The following FSTL5 variants were observed in gnomAD, a reference collection of about 807,000 sequenced individuals.
FSTL5 encodes follistatin like 5.
Under a neutral mutation model 89.1 loss-of-function variants are expected in FSTL5, and 62 were observed. The ratio of observed to expected loss-of-function variants is 0.70; its 90% CI spans 0.57 to 0.86. FSTL5 has a LOEUF of 0.86. FSTL5 is among the 40% of genes least tolerant of loss of function. FSTL5 has a pLI of 0.00. For missense variants in FSTL5, 1,057 were observed against 1,001.6 expected, an observed-to-expected ratio of 1.06 and a Z score of -0.75; for synonymous variants, 383 against 346.2, an observed-to-expected ratio of 1.11 and a Z score of -1.18.
At chr4:162,045,110 A>T (rs1578981714) in intron 2 of FSTL5, among the ~76,000 whole-genome samples, 1 of 152,274 alleles carries the variant, frequency 6.6e-6, no homozygotes, top group Non-Finnish European at 1.5e-5. Flanking sequence ...CTTAGCTTTC[A>T]GCCTGTCTCG....
At chr4:162,045,046 T>C (rs1738119194) in intron 2 of FSTL5, among the ~76,000 whole-genome samples, 1 of 152,184 alleles carries the variant, frequency 6.6e-6, no homozygotes, top group African/African-American at 2.4e-5. Context: ...TTTAATTTTC[T>C]TCGAGAACGT....
chr4:161,754,625 A>G (rs140323317), intron 6 of FSTL5, among the ~76,000 whole-genome samples: 1 of 152,166 alleles, frequency 6.6e-6, no homozygotes, highest in Non-Finnish European at 1.5e-5. Context: ...CATTTATACC[A>G]TTCTTGGTTA....
chr4:161,610,654 T>A (rs183097432), intron 7 of FSTL5, among the ~76,000 whole-genome samples: 2 of 152,214 alleles, frequency 1.3e-5, no homozygotes, highest in Admixed American at 1.3e-4. Flanking sequence ...AAATTAGTAA[T>A]CAAATGGAGA....
chr4:161,943,245 T>C lies in FSTL5; in HGVS notation c.161-22593A>G, dbSNP rs180727932. Among the ~76,000 whole-genome samples the C allele has an allele frequency of 2.2e-3, 340 of 152,134 alleles. 2 individuals carry two copies. Among genetic ancestry groups the C allele is most frequent in the African/African-American group, 7.9e-3 (327 of 41,536 alleles). On this transcript the variant is annotated intron_variant, in intron 3 of 15. Coordinates refer to ENST00000306100, the MANE Select transcript of FSTL5 (RefSeq NM_020116.5). ...AGACTAAATATTAAGACTGCAATAC[T>C]ACCCCAAATTTTCATTATAGCTTTC...
intron 6 of FSTL5, among the ~76,000 whole-genome samples, chr4:161,712,874 ACT>A (rs1560803980): frequency 6.6e-6 from 1 of 151,968 alleles, no homozygotes; most frequent in Non-Finnish European, 1.5e-5. Context: ...CATGTGATGC[ACT>A]GTTTCCTCCT....
At chr4:161,629,627 G>A (rs1735434704) in intron 7 of FSTL5, among the ~76,000 whole-genome samples, 1 of 152,144 alleles carries the variant, frequency 6.6e-6, no homozygotes, top group Non-Finnish European at 1.5e-5. Context: ...TTACAGGCCT[G>A]AGCCACCGCG....
intron 2 of FSTL5, among the ~76,000 whole-genome samples, chr4:162,088,491 T>C (rs1579017312): frequency 4.6e-5 from 7 of 152,232 alleles, no homozygotes. Flanking sequence ...TCATCCTCAA[T>C]AAGTTAGTCG....
At chr4:161,673,183 T>A (rs902278436) in intron 6 of FSTL5, among the ~76,000 whole-genome samples, 1 of 152,066 alleles carries the variant, frequency 6.6e-6, no homozygotes, top group Non-Finnish European at 1.5e-5. Flanking sequence ...AATATATTTA[T>A]ATAAATTATA....
intron 4 of FSTL5, among the ~76,000 whole-genome samples, chr4:161,784,896 A>AC (rs61119340): frequency 1.2e-5 from 1 of 83,920 alleles, no homozygotes; most frequent in African/African-American, 4.5e-5. Flanking sequence ...CCGTCTCAAA[A>AC]AAAACAAAAA....
At chr4:161,703,975 C>T (rs1738487144) in intron 6 of FSTL5, among the ~76,000 whole-genome samples, 1 of 151,832 alleles carries the variant, frequency 6.6e-6, no homozygotes, top group African/African-American at 2.4e-5. Context: ...CCATAAAGAC[C>T]CCACTCTACA....
At chr4:161,600,569 T>A (rs1734195652) in intron 7 of FSTL5, among the ~76,000 whole-genome samples, 1 of 152,164 alleles carries the variant, frequency 6.6e-6, no homozygotes, top group Non-Finnish European at 1.5e-5. Flanking sequence ...TAGCTTCCCC[T>A]ATGTATATGC....
intron 6 of FSTL5, among the ~76,000 whole-genome samples, chr4:161,729,539 C>G (rs1463131755): frequency 1.3e-5 from 2 of 152,080 alleles, no homozygotes; most frequent in African/African-American, 4.8e-5. Flanking sequence ...TCATCATGTT[C>G]AGTGATATAT....
At chr4:161,539,662 GT>G (rs1731750260) in intron 9 of FSTL5, among the ~76,000 whole-genome samples, 1 of 151,844 alleles carries the variant, frequency 6.6e-6, no homozygotes, top group Non-Finnish European at 1.5e-5. Context: ...CAGGCAATAC[GT>G]TTTGAAAAAT....
intron 6 of FSTL5, among the ~76,000 whole-genome samples, chr4:161,701,461 T>C (rs1319848093): frequency 6.6e-6 from 1 of 151,920 alleles, no homozygotes; most frequent in Non-Finnish European, 1.5e-5. Flanking sequence ...CAAGTAAAAC[T>C]AAGGAGGCTG....
At chr4:161,845,450 T>C (rs1226892214) in intron 4 of FSTL5, among the ~76,000 whole-genome samples, 1 of 152,330 alleles carries the variant, frequency 6.6e-6, no homozygotes, top group East Asian at 1.9e-4. Flanking sequence ...CACTGTTTAA[T>C]AGACAATTGG....
chr4:161,668,993 T>G (rs1560780081), intron 6 of FSTL5, among the ~76,000 whole-genome samples: 2 of 150,730 alleles, frequency 1.3e-5, no homozygotes, highest in Non-Finnish European at 3.0e-5. Context: ...GTACCTATAA[T>G]CCCAGCTGCT....
At chr4:161,454,964 A>T (rs764587017) in intron 15 of FSTL5, 40 bp downstream of exon 15, 4 of 1,584,782 alleles carry the variant, frequency 2.5e-6, no homozygotes, top group Non-Finnish European at 3.5e-6. Flanking sequence ...TATAATAGAG[A>T]CAAATCTTTA....
At chr4:161,444,636 G>T (rs1197968041) in intron 15 of FSTL5, among the ~76,000 whole-genome samples, 1 of 151,838 alleles carries the variant, frequency 6.6e-6, no homozygotes, top group African/African-American at 2.4e-5. Flanking sequence ...AAAGTTTTCT[G>T]CAAGTAAATA....
At chr4:161,940,426 T>C (rs1734547772) in intron 3 of FSTL5, among the ~76,000 whole-genome samples, 1 of 151,446 alleles carries the variant, frequency 6.6e-6, no homozygotes, top group African/African-American at 2.4e-5. Flanking sequence ...AATTTACACA[T>C]CCAATGAACG....
Sources: allele counts gnomAD v4.1 joint callset (sites outside exome capture counted in the v4.1 genomes callset), GRCh38; gene constraint gnomAD v4.1.1; transcripts MANE v1.5; gene names NCBI Gene and HGNC (gene_info 2026-07-23, HGNC 2026-07-21).